The following ANKRD55 variants were observed in gnomAD, a reference collection of about 807,000 sequenced individuals.
ANKRD55 encodes the protein ankyrin repeat domain 55.
Under a neutral mutation model 60.6 loss-of-function variants are expected in ANKRD55, and 41 were observed. That is an observed-to-expected ratio of 0.68 (90% CI 0.53 to 0.88). The LOEUF is 0.88. Ranked by LOEUF, ANKRD55 falls within the 40% of genes least tolerant of loss-of-function variation. The pLI is 0.00. For synonymous variants in ANKRD55, 264 were observed against 290.3 expected, an observed-to-expected ratio of 0.91 and a Z score of 0.92; for missense variants, 732 against 767.6, an observed-to-expected ratio of 0.95 and a Z score of 0.55.
chr5:56,137,813 C>A (rs985905791), intron 7 of ANKRD55, among the ~76,000 whole-genome samples: 1 of 152,086 alleles, frequency 6.6e-6, no homozygotes, highest in Admixed American at 6.5e-5. Flanking sequence ...ATGCAAAGAA[C>A]TCCTAAAACT....
At chr5:56,189,071 A>C (rs1176086970) in intron 2 of ANKRD55, among the ~76,000 whole-genome samples, 1 of 152,150 alleles carries the variant, frequency 6.6e-6, no homozygotes, top group Non-Finnish European at 1.5e-5. Context: ...GACTGGAGGT[A>C]TGAATGGACT....
intron 1 of ANKRD55, 99 bp downstream of exon 1, chr5:56,233,142 C>G: frequency 1.8e-6 from 1 of 569,344 alleles, no homozygotes; most frequent in Non-Finnish European, 3.1e-6. Flanking sequence ...TGGCCTCATT[C>G]ATCAGCTGTA....
At chr5:56,132,065 T>C (rs1352611244) in intron 7 of ANKRD55, among the ~76,000 whole-genome samples, 3 of 151,772 alleles carry the variant, frequency 2.0e-5, no homozygotes, top group Non-Finnish European at 4.4e-5. Context: ...ATAAGTAAAA[T>C]GAATGACAGC....
intron 4 of ANKRD55, among the ~76,000 whole-genome samples, chr5:56,174,584 A>C (rs773274619): frequency 4.6e-5 from 7 of 152,180 alleles, no homozygotes; most frequent in Non-Finnish European, 8.8e-5. Flanking sequence ...AGTTTTTAAA[A>C]ATCGCCTGGG....
intron 7 of ANKRD55, among the ~76,000 whole-genome samples, chr5:56,131,277 C>G (rs1355808284): frequency 6.6e-6 from 1 of 152,108 alleles, no homozygotes; most frequent in East Asian, 1.9e-4. Context: ...AACACCTTAC[C>G]TATAGAGGAG....
chr5:56,161,885 AAT>A (rs1758340987), intron 5 of ANKRD55: 1 of 742,096 alleles, frequency 1.3e-6, no homozygotes, highest in African/African-American at 1.9e-5. Flanking sequence ...ATATAAAAAT[AAT>A]TGCATTTTGG....
intron 2 of ANKRD55, among the ~76,000 whole-genome samples, chr5:56,208,964 CT>C (rs529905448): frequency 3.9e-4 from 57 of 145,880 alleles, no homozygotes; most frequent in African/African-American, 6.0e-4. Context: ...CTCTTTTTCA[CT>C]TTTTTTTTTT....
intron 2 of ANKRD55, among the ~76,000 whole-genome samples, chr5:56,209,783 G>T (rs1006126179): frequency 7.2e-5 from 11 of 152,092 alleles, no homozygotes; most frequent in African/African-American, 2.7e-4. Flanking sequence ...ATCCCTTTGT[G>T]CATTTGTGAT....
chr5:56,166,086 T>TTTTTCTTTC lies in ANKRD55; in HGVS notation c.422+4607_422+4608insGAAAGAAAA, dbSNP rs1554040774. Reference sequence around the variant, plus strand: ...CACCCTTCAGGGATCTTTCTTTTCTTTTTCTTTCTTTCTTTCTTTCTTTCT... The same window carrying TTTTTCTTTC: ...CACCCTTCAGGGATCTTTCTTTTCTTTTTTCTTTCTTTCTTTCTTTCTTTCTTTCTTTCT... On this transcript the variant is annotated intron_variant, in intron 5 of 11. Coordinates refer to ENST00000341048, the MANE Select transcript of ANKRD55 (RefSeq NM_024669.3). 9.1e-3 allele frequency among the ~76,000 whole-genome samples: 834 copies of TTTTTCTTTC among 91,844 alleles called. 33 individuals are homozygous for TTTTTCTTTC. The highest frequency in any genetic ancestry group is 0.04 in the East Asian group (117 of 2,932). 60.3% of individuals were successfully genotyped at this position (91,844 alleles called of 152,430 possible).
At chr5:56,183,383 T>C (rs1289533699) in intron 3 of ANKRD55, 129 bp downstream of exon 3, 9 of 1,225,418 alleles carry the variant, frequency 7.3e-6, no homozygotes. Context: ...GGCGATGTGG[T>C]ACCTGCACAT....
At chr5:56,225,437 C>A (rs1760086074) in intron 2 of ANKRD55, among the ~76,000 whole-genome samples, 1 of 152,108 alleles carries the variant, frequency 6.6e-6, no homozygotes, top group Non-Finnish European at 1.5e-5. Flanking sequence ...ACAGGGATGC[C>A]CTCTCTCACC....
chr5:56,118,158 A>G (rs1561254707), intron 8 of ANKRD55, among the ~76,000 whole-genome samples: 1 of 151,816 alleles, frequency 6.6e-6, no homozygotes, highest in Non-Finnish European at 1.5e-5. Context: ...AAAAGAAAAA[A>G]GTCCTTCATT....
At chr5:56,188,068 G>T (rs1759013573) in intron 2 of ANKRD55, among the ~76,000 whole-genome samples, 1 of 152,084 alleles carries the variant, frequency 6.6e-6, no homozygotes, top group African/African-American at 2.4e-5. Context: ...CTAGCCCACA[G>T]GCTGATTCAG....
rs569627368 is a variant in ANKRD55, at chr5:56,141,027, C to T, written c.612+2774G>A. Among the ~76,000 whole-genome samples the T allele has an allele frequency of 9.2e-5, 14 of 151,924 alleles. No homozygotes were observed. The South Asian group carries it at 2.7e-3, about 29-fold the overall frequency. ...GCAGTGAGCCAAGATCGCACCATTG[C>T]ACTCCAACCTGGGCAATAGAGTAAG... is the stretch of plus-strand genomic sequence containing the variant. On this transcript the variant is annotated intron_variant, in intron 7 of 11. Coordinates refer to ENST00000341048, the MANE Select transcript of ANKRD55 (RefSeq NM_024669.3).
At chr5:56,193,087 A>T in intron 2 of ANKRD55, 2 of 739,648 alleles carry the variant, frequency 2.7e-6, no homozygotes, top group Non-Finnish European at 4.3e-6. Context: ...ATAATTTGAG[A>T]TGGCTTCTTT....
At chr5:56,185,463 T>A (rs1758947445) in intron 2 of ANKRD55, among the ~76,000 whole-genome samples, 2 of 152,066 alleles carry the variant, frequency 1.3e-5, no homozygotes, top group African/African-American at 2.4e-5. Context: ...GGTCAGGAGT[T>A]TGAGACCAGC....
intron 5 of ANKRD55, among the ~76,000 whole-genome samples, chr5:56,160,240 T>C (rs899922598): frequency 1.3e-5 from 2 of 152,158 alleles, no homozygotes; most frequent in African/African-American, 2.4e-5. Context: ...GCAATTATTA[T>C]TATGATTTTT....
chr5:56,158,595 A>G (rs1008165489), intron 6 of ANKRD55, among the ~76,000 whole-genome samples: 5 of 152,212 alleles, frequency 3.3e-5, no homozygotes, highest in African/African-American at 1.2e-4. Flanking sequence ...TACTTGCAAC[A>G]TGAATTAAAC....
chr5:56,150,965 T>G (rs948033529), intron 6 of ANKRD55, among the ~76,000 whole-genome samples: 1 of 152,268 alleles, frequency 6.6e-6, no homozygotes, highest in Non-Finnish European at 1.5e-5. Context: ...TTTCGCAATC[T>G]TATATGTTTC....
Sources: gnomAD v4.1 joint callset for allele counts (sites outside exome capture counted in the v4.1 genomes callset) on GRCh38, gnomAD v4.1.1 for gene constraint, MANE v1.5 for transcripts, NCBI Gene and HGNC (gene_info 2026-07-23, HGNC 2026-07-21) for gene names.